RIT2: variants seen among roughly 807,000 people sequenced by gnomAD.
The protein encoded by RIT2 is Ras like without CAAX 2, also known as GTP-binding protein Rit2.
A neutral mutation model predicts 23.7 loss-of-function variants in RIT2; 24 were observed. The observed-to-expected ratio is 1.01, with a 90% CI of 0.73 to 1.43. RIT2 has a LOEUF of 1.43. Ranked by LOEUF, RIT2 falls within the 40% of genes most tolerant of loss-of-function variation. The pLI is 0.00. For synonymous variants in RIT2, 107 were observed against 91.1 expected (o/e 1.17, Z -0.99); for missense variants, 236 against 266.9 (o/e 0.88, Z 0.81).
chr18:43,081,305 G>A (rs2144348020), intron 1 of RIT2, among the ~76,000 whole-genome samples: 1 of 152,176 alleles, frequency 6.6e-6, no homozygotes, highest in East Asian at 1.9e-4. Flanking sequence ...CTCTTGTAAG[G>A]AGCTAACATC....
intron 1 of RIT2, among the ~76,000 whole-genome samples, chr18:43,105,100 C>CTGTGTGTGTGTGTGTGTGTGTGTG (rs756311809): frequency 2.1e-5 from 3 of 143,058 alleles, no homozygotes; most frequent in Non-Finnish European, 4.6e-5. Flanking sequence ...AGGCAGTGTG[C>CTGTGTGTGTGTGTGTGTGTGTGTG]TGTGTGTGTG....
intron 2 of RIT2, among the ~76,000 whole-genome samples, chr18:43,000,505 G>T (rs1911078692): frequency 6.6e-6 from 1 of 151,970 alleles, no homozygotes; most frequent in South Asian, 2.1e-4. Flanking sequence ...CAAAATAGCA[G>T]TTATGATAAA....
At chr18:42,859,775 A>AT (rs368488258) in intron 4 of RIT2, among the ~76,000 whole-genome samples, 188 of 147,378 alleles carry the variant, frequency 1.3e-3, no homozygotes, top group African/African-American at 2.8e-3. Context: ...GTTCAAGTTA[A>AT]TTTTTTTTTT....
At chr18:42,772,352 T>C (rs1913571460) in intron 4 of RIT2, among the ~76,000 whole-genome samples, 1 of 152,172 alleles carries the variant, frequency 6.6e-6, no homozygotes, top group Non-Finnish European at 1.5e-5. Flanking sequence ...AAAGTAAGTA[T>C]CTTTCTCCTG....
intron 3 of RIT2, among the ~76,000 whole-genome samples, chr18:42,965,362 A>C (rs930303291): frequency 9.2e-5 from 14 of 152,178 alleles, no homozygotes; most frequent in Non-Finnish European, 2.1e-4. Context: ...CATATGATCT[A>C]TATGCTTCAT....
intron 1 of RIT2, among the ~76,000 whole-genome samples, chr18:43,112,590 T>C (rs1218501146): frequency 6.6e-6 from 1 of 152,118 alleles, no homozygotes; most frequent in Non-Finnish European, 1.5e-5. Flanking sequence ...TTAAAAAATA[T>C]TTTGGTAAAA....
intron 4 of RIT2, among the ~76,000 whole-genome samples, chr18:42,903,276 A>G (rs1223818396): frequency 6.6e-6 from 1 of 152,078 alleles, no homozygotes; most frequent in Non-Finnish European, 1.5e-5. Context: ...AAACAGGTTA[A>G]TAGGTTGATA....
chr18:43,085,905 C>T (rs1008988025), intron 1 of RIT2, among the ~76,000 whole-genome samples: 1 of 152,010 alleles, frequency 6.6e-6, no homozygotes, highest in African/African-American at 2.4e-5. Context: ...TAGGAGTTCC[C>T]CTGCACAAGC....
At chr18:42,861,749 C>T (rs612241) in intron 4 of RIT2, among the ~76,000 whole-genome samples, 2,648 of 152,288 alleles carry the variant, frequency 0.017, 99 homozygotes, top group African/African-American at 0.06. Flanking sequence ...AAAATAAATA[C>T]ATCCAGAGTC....
chr18:42,958,467 G>C (rs905596812), intron 3 of RIT2, among the ~76,000 whole-genome samples: 1 of 152,010 alleles, frequency 6.6e-6, no homozygotes, highest in African/African-American at 2.4e-5. Context: ...CCACAAATTA[G>C]CTAATATGAT....
At chr18:42,837,303 G>A (rs1313042863) in intron 4 of RIT2, among the ~76,000 whole-genome samples, 2 of 151,274 alleles carry the variant, frequency 1.3e-5, no homozygotes, top group African/African-American at 4.8e-5. Flanking sequence ...GAGTAGCTGG[G>A]ACTACAGGTG....
chr18:43,110,440 A>G (rs1049230033), intron 1 of RIT2, among the ~76,000 whole-genome samples: 2 of 152,174 alleles, frequency 1.3e-5, no homozygotes, highest in Non-Finnish European at 2.9e-5. Context: ...GGAAGACAAT[A>G]TTTCATCATG....
At chr18:43,092,523 T>G (rs1233200755) in intron 1 of RIT2, among the ~76,000 whole-genome samples, 2 of 152,108 alleles carry the variant, frequency 1.3e-5, no homozygotes, top group South Asian at 4.1e-4. Flanking sequence ...TGTTTTTGAG[T>G]TTGTGAAACT....
intron 1 of RIT2, among the ~76,000 whole-genome samples, chr18:43,095,921 C>A (rs1424572749): frequency 2.0e-5 from 3 of 151,840 alleles, no homozygotes; most frequent in Non-Finnish European, 4.4e-5. Flanking sequence ...TCACTCAGCT[C>A]GCTACTGAAA....
rs145740468 is a variant in RIT2, at chr18:42,986,824, C to G, written c.161-12677G>C. Among the ~76,000 whole-genome samples, 619 of 151,590 alleles carry G rather than the reference C, an allele frequency of 4.1e-3. 4 individuals are homozygous for G. The highest frequency in any genetic ancestry group is 0.013 in the African/African-American group (532 of 41,294). ...CCAGCTGTTTATTTTTTGTAATAAA[C>G]CAGAAATGTAAATTATTATTTTAGT... On this transcript the variant is annotated intron_variant, in intron 2 of 4. Transcript: ENST00000326695.
At chr18:42,967,154 T>C (rs1245162213) in intron 3 of RIT2, among the ~76,000 whole-genome samples, 1 of 152,090 alleles carries the variant, frequency 6.6e-6, no homozygotes, top group Non-Finnish European at 1.5e-5. Flanking sequence ...AAATATATCC[T>C]TTATGATATA....
intron 4 of RIT2, among the ~76,000 whole-genome samples, chr18:42,831,170 C>T (rs192487588): frequency 1.3e-5 from 2 of 152,150 alleles, no homozygotes; most frequent in African/African-American, 4.8e-5. Context: ...AATGAGTGTG[C>T]TTGATAGTTA....
At chr18:42,919,240 A>G (rs1285433230) in intron 4 of RIT2, among the ~76,000 whole-genome samples, 3 of 152,164 alleles carry the variant, frequency 2.0e-5, no homozygotes, top group Admixed American at 6.6e-5. Context: ...TAAAGAAATG[A>G]AACTATTTTA....
chr18:42,935,827 T>A (rs180786812), intron 3 of RIT2, among the ~76,000 whole-genome samples: 175 of 151,934 alleles, frequency 1.2e-3, no homozygotes, highest in African/African-American at 4.0e-3. Context: ...GGTGACAAAG[T>A]TTTCTGGAGT....
Sources: gnomAD v4.1 joint callset for allele counts (sites outside exome capture counted in the v4.1 genomes callset) on GRCh38, gnomAD v4.1.1 for gene constraint, MANE v1.5 for transcripts, NCBI Gene and HGNC (gene_info 2026-07-23, HGNC 2026-07-21) for gene names.